ZNF429: variants seen among roughly 807,000 people sequenced by gnomAD.
ZNF429 encodes the protein zinc finger protein 429.
ZNF429 carries 53 observed loss-of-function variants against 56.8 expected under a neutral mutation model. That is an observed-to-expected ratio of 0.93 (90% CI 0.75 to 1.17). The LOEUF is 1.17. Among genes scored for constraint, ZNF429 ranks in the 50% most tolerant of loss-of-function variants. ZNF429 has a pLI of 0.00. For missense variants in ZNF429, 849 were observed against 788.4 expected, an observed-to-expected ratio of 1.08 and a Z score of -0.92; for synonymous variants, 278 against 264.7, an observed-to-expected ratio of 1.05 and a Z score of -0.49.
intron 1 of ZNF429, among the ~76,000 whole-genome samples, chr19:21,516,369 G>T (rs1295444777): frequency 6.6e-6 from 1 of 152,148 alleles, no homozygotes; most frequent in African/African-American, 2.4e-5. Context: ...TTACAGGTGT[G>T]AGCCACCATG....
At chr19:21,507,117 T>C (rs2032213045) in intron 1 of ZNF429, among the ~76,000 whole-genome samples, 1 of 152,056 alleles carries the variant, frequency 6.6e-6, no homozygotes, top group African/African-American at 2.4e-5. Flanking sequence ...GCCACCTCAG[T>C]CGAATTGCCT....
At chr19:21,511,230 G>A (rs906775681) in intron 1 of ZNF429, among the ~76,000 whole-genome samples, 17 of 151,690 alleles carry the variant, frequency 1.1e-4, no homozygotes, top group South Asian at 2.1e-4. Context: ...CCTCCCTCCC[G>A]GACGGGGCGG....
chr19:21,533,898 T>C, intron 3 of ZNF429, among the ~76,000 whole-genome samples: 1 of 152,116 alleles, frequency 6.6e-6, no homozygotes, highest in African/African-American at 2.4e-5. Context: ...CAATATTATT[T>C]TTTAAAGAGA....
At chr19:21,519,851 C>T (rs1472232169) in intron 1 of ZNF429, among the ~76,000 whole-genome samples, 1 of 144,288 alleles carries the variant, frequency 6.9e-6, no homozygotes, top group Non-Finnish European at 1.5e-5. Flanking sequence ...TTGCTGTATT[C>T]ATGTGCACCC....
chr19:21,511,344 C>G (rs2032458269), intron 1 of ZNF429, among the ~76,000 whole-genome samples: 1 of 151,968 alleles, frequency 6.6e-6, no homozygotes, highest in Admixed American at 6.5e-5. Context: ...GGCGGAGGGT[C>G]TCCTCACTTC....
intron 1 of ZNF429, among the ~76,000 whole-genome samples, chr19:21,527,276 AAGCTCATTAC>A (rs1208560950): frequency 6.6e-6 from 1 of 152,194 alleles, no homozygotes; most frequent in Non-Finnish European, 1.5e-5. Flanking sequence ...AGTGATTTAT[AAGCTCATTAC>A]AGCTCGAGGG....
chr19:21,508,358 G>A (rs950803382), intron 1 of ZNF429, among the ~76,000 whole-genome samples: 2 of 152,184 alleles, frequency 1.3e-5, no homozygotes, highest in African/African-American at 4.8e-5. Context: ...ACATAGAGCA[G>A]TCTCCTGAGA....
Position 21,539,048 on chromosome 19 carries a change from T to C in ZNF429, c.*970T>C, listed in dbSNP as rs1182254446. On this transcript the variant is annotated 3_prime_UTR_variant, in exon 4 of 4. Coordinates refer to ENST00000358491, the MANE Select transcript of ZNF429 (RefSeq NM_001001415.4). The stretch of plus-strand genomic sequence containing the variant: ...AGAAAAATCCAGCAAGTGTAATAAA[T>C]TTGGAAAAACTTTTTTTTCCCCAAA... Among the ~76,000 whole-genome samples, 2 of 152,144 alleles carry C rather than the reference T, an allele frequency of 1.3e-5. No homozygotes were observed. The highest frequency in any genetic ancestry group is 4.8e-5 in the African/African-American group (2 of 41,438).
In ZNF429 at chr19:21,511,292, C is replaced by T. The variant is rs188275169; in HGVS notation, c.3+5518C>T. Among the ~76,000 whole-genome samples, 102 of 152,182 alleles carry T rather than the reference C, an allele frequency of 6.7e-4. No homozygotes were observed. The East Asian group carries it at 7.2e-3, about 11-fold the overall frequency. On this transcript the variant is annotated intron_variant, in intron 1 of 3. Coordinates refer to ENST00000358491, the MANE Select transcript of ZNF429 (RefSeq NM_001001415.4). The stretch of plus-strand genomic sequence containing the variant: ...CCTCCCTCCCAGATGGGGTGGCTGC[C>T]GGGCGGAGACGCTCCTCACTGCCCA...
intron 1 of ZNF429, among the ~76,000 whole-genome samples, chr19:21,514,699 G>A (rs1052982595): frequency 6.6e-6 from 1 of 151,896 alleles, no homozygotes; most frequent in African/African-American, 2.4e-5. Context: ...CCAGATTCAA[G>A]TGATTTCTCC....
chr19:21,526,234 A>G (rs1022375703), intron 1 of ZNF429, among the ~76,000 whole-genome samples: 1 of 151,714 alleles, frequency 6.6e-6, no homozygotes, highest in Non-Finnish European at 1.5e-5. Context: ...GGTTACATGC[A>G]TAAGTTCTTT....
chr19:21,535,945 G>A, intron 3 of ZNF429, among the ~76,000 whole-genome samples: 1 of 152,164 alleles, frequency 6.6e-6, no homozygotes, highest in Admixed American at 6.5e-5. Context: ...AAAATGAGGA[G>A]CTGGCAATTT....
chr19:21,535,800 A>C, intron 3 of ZNF429, among the ~76,000 whole-genome samples: 1 of 152,140 alleles, frequency 6.6e-6, no homozygotes, highest in Non-Finnish European at 1.5e-5. Context: ...GGCATGAGCC[A>C]CCGCGCCTGA....
intron 1 of ZNF429, among the ~76,000 whole-genome samples, chr19:21,519,281 A>G (rs1282027030): frequency 6.6e-6 from 1 of 152,206 alleles, no homozygotes; most frequent in Admixed American, 6.5e-5. Context: ...AGACTCTCCC[A>G]GCATTCCCTC....
chr19:21,513,820 T>G (rs1239327196), intron 1 of ZNF429, among the ~76,000 whole-genome samples: 1 of 150,786 alleles, frequency 6.6e-6, no homozygotes, highest in Non-Finnish European at 1.5e-5. Context: ...TCCCTTTTCC[T>G]GCAGCTGCCA....
At chr19:21,513,936 G>T (rs2032619177) in intron 1 of ZNF429, among the ~76,000 whole-genome samples, 1 of 152,144 alleles carries the variant, frequency 6.6e-6, no homozygotes, top group Non-Finnish European at 1.5e-5. Flanking sequence ...CAGCATTTTT[G>T]ATCCCAGTGT....
In ZNF429 at chr19:21,539,280, C is replaced by T. The variant is rs1264073800; in HGVS notation, c.*1202C>T. On this transcript the variant is annotated 3_prime_UTR_variant, in exon 4 of 4. Transcript: ENST00000358491. ...AAGTCTACATGAATATCAGAATTTA[C>T]AGTAGAAACAACTAAGACACAAACA... is the stretch of plus-strand genomic sequence containing the variant. Among the ~76,000 whole-genome samples the T allele has an allele frequency of 3.3e-5, 5 of 150,886 alleles. No homozygotes were observed. The highest frequency in any genetic ancestry group is 6.6e-5 in the Admixed American group (1 of 15,168).
At chr19:21,516,879 C>T (rs1463770670) in intron 1 of ZNF429, among the ~76,000 whole-genome samples, 1 of 152,160 alleles carries the variant, frequency 6.6e-6, no homozygotes, top group Admixed American at 6.5e-5. Context: ...AGAATCATGT[C>T]ATCTGCAAAC....
Position 21,535,491 on chromosome 19 carries a change from TCTTTCTTC to T in ZNF429, c.227-788_227-781del. Among the ~76,000 whole-genome samples, 99 of 130,396 alleles carry T rather than the reference TCTTTCTTC, an allele frequency of 7.6e-4. 5 individuals are homozygous for T. The highest frequency in any genetic ancestry group is 2.9e-3 in the African/African-American group (90 of 31,022). The allele number at this position is 130,396 out of a possible 152,430, so 85.5% of individuals were successfully genotyped here. Reference sequence around the variant, plus strand: ...TTCTTTCTTTCTTTCTTTCTTTCTTTCTTTCTTCTTTCTTTCTTTCTTTCCTTCTTTTT... The same window carrying T: ...TTCTTTCTTTCTTTCTTTCTTTCTTTTTTCTTTCTTTCTTTCCTTCTTTTT... On this transcript the variant is annotated intron_variant, in intron 3 of 3. Coordinates refer to ENST00000358491, the MANE Select transcript of ZNF429 (RefSeq NM_001001415.4).
Sources: allele counts gnomAD v4.1 joint callset (sites outside exome capture counted in the v4.1 genomes callset), GRCh38; gene constraint gnomAD v4.1.1; transcripts MANE v1.5; gene names NCBI Gene and HGNC (gene_info 2026-07-23, HGNC 2026-07-21).